The following GRM5 variants were observed in gnomAD, a reference collection of about 807,000 sequenced individuals.
The protein encoded by GRM5 is glutamate metabotropic receptor 5, also known as metabotropic glutamate receptor 5.
In GRM5, 19 loss-of-function variants were observed where a neutral mutation model predicts 83.1. The observed-to-expected ratio is 0.23, with a 90% CI of 0.16 to 0.34. The LOEUF (loss-of-function observed/expected upper bound fraction) is 0.34, where lower values mean the gene tolerates loss of function less well. GRM5 is among the 10% of genes least tolerant of loss of function. GRM5 has a pLI of 1.00. For synonymous variants in GRM5, 675 were observed against 633.6 expected (o/e 1.07, Z -0.98); for missense variants, 1,160 against 1,588.3 (o/e 0.73, Z 4.58).
At chr11:88,983,246 T>C (rs1273208844) in intron 2 of GRM5, among the ~76,000 whole-genome samples, 1 of 152,204 alleles carries the variant, frequency 6.6e-6, no homozygotes, top group Non-Finnish European at 1.5e-5. Flanking sequence ...TTCTTCCTCA[T>C]AGCAATTCTC....
At chr11:88,770,563 G>A (rs1202182395) in intron 3 of GRM5, among the ~76,000 whole-genome samples, 1 of 152,072 alleles carries the variant, frequency 6.6e-6, no homozygotes, top group Admixed American at 6.6e-5. Flanking sequence ...GTTAATTGAT[G>A]ATATAACTAA....
intron 3 of GRM5, among the ~76,000 whole-genome samples, chr11:88,832,709 T>C (rs1375988776): frequency 4.6e-5 from 7 of 152,080 alleles, no homozygotes; most frequent in African/African-American, 1.7e-4. Context: ...TACCTGACTT[T>C]AAAATATATT....
At chr11:88,798,058 G>T (rs891796101) in intron 3 of GRM5, among the ~76,000 whole-genome samples, 2 of 152,088 alleles carry the variant, frequency 1.3e-5, no homozygotes, top group Admixed American at 6.5e-5. Context: ...ATGCTCTCCT[G>T]TCTGCTCTTT....
chr11:88,863,542 A>G (rs969875278), intron 2 of GRM5, among the ~76,000 whole-genome samples: 2 of 152,230 alleles, frequency 1.3e-5, no homozygotes, highest in South Asian at 2.1e-4. Context: ...GTTCTCACTT[A>G]TAAGTGGGAG....
At position 89,047,928 on chromosome 11, in the gene GRM5, G is replaced by T. The variant is rs2135152012; in HGVS notation, c.-56C>A. 9 of 1,351,858 alleles carry T rather than the reference G, an allele frequency of 6.7e-6. No homozygotes were observed. The South Asian group carries it at 8.7e-5, about 13-fold the overall frequency. 83.7% of individuals were successfully genotyped at this position (1,351,858 alleles called of 1,614,324 possible). A position where few individuals can be genotyped will look rare whatever the true frequency, so the allele number is the denominator to read the frequency against. ...AGCATGGTGGGGAAAATTCAGGAGG[G>T]TTCTGATAGCTACGAACAAGCGATG... On this transcript the variant is annotated 5_prime_UTR_variant, in exon 2 of 10. Coordinates refer to ENST00000305447, the MANE Select transcript of GRM5 (RefSeq NM_001143831.3). This position sits in a 1 kb window ranked among gnomAD's most constrained non-coding sequence, Gnocchi z 5.1.
At chr11:88,987,649 G>A (rs867425956) in intron 2 of GRM5, among the ~76,000 whole-genome samples, 20 of 152,042 alleles carry the variant, frequency 1.3e-4, no homozygotes, top group South Asian at 6.2e-4. Context: ...CTCCCAGCAC[G>A]CAGCTGGAGA....
intron 3 of GRM5, among the ~76,000 whole-genome samples, chr11:88,703,090 C>CA (rs60460535): frequency 0.79 from 120,025 of 151,784 alleles, 51,030 homozygotes; most frequent in Non-Finnish European, 0.96. Flanking sequence ...ATGGGCAATC[C>CA]AAAATGAAGA....
chr11:89,047,434 T>C lies in GRM5; in HGVS notation c.439A>G (p.Ile147Val), dbSNP rs776692816. The C allele has an allele frequency of 3.7e-6, 6 of 1,613,850 alleles. No homozygotes were observed. The highest frequency in any genetic ancestry group is 1.7e-5 in the Admixed American group (1 of 60,000). ...GCTACAGAACTGGAGCCAGGCCCAA[T>C]GACCCCTACTATGGGCTTCTTGGAG... Reference protein sequence around the residue: ...FRSKKPIVGVIGPGSSSVAIQ... With the variant: ...FRSKKPIVGVVGPGSSSVAIQ... Residue 147 changes from isoleucine (I) to valine (V), a missense_variant, in exon 2 of 10, where the codon ATT (isoleucine) becomes GTT (valine). By Grantham distance (29) the Ile-to-Val change is conservative (BLOSUM62 3). This residue lies in a region of GRM5 where 39 missense variants were observed against 36.7 expected (regional missense o/e 1.06). Transcript: ENST00000305447. This position sits in a 1 kb window ranked among gnomAD's most constrained non-coding sequence, Gnocchi z 5.1.
rs1273654463 is a variant in GRM5 at position 88,949,887 on chromosome 11, T to TG, written c.661+97324dup. 8.5e-5 allele frequency among the ~76,000 whole-genome samples: 13 copies of TG among 152,174 alleles called. 1 individual carries two copies. The East Asian group carries it at 2.3e-3, about 27-fold the overall frequency. Reference sequence around the variant, plus strand: ...TATGCAATACTTTTATTTTTTCAGGTGGGGTCTTGCTCTGTTGCCCAGGCT... The same window carrying TG: ...TATGCAATACTTTTATTTTTTCAGGTGGGGGTCTTGCTCTGTTGCCCAGGCT... On this transcript the variant is annotated intron_variant, in intron 2 of 9. Coordinates refer to ENST00000305447, the MANE Select transcript of GRM5 (RefSeq NM_001143831.3).
intron 3 of GRM5, among the ~76,000 whole-genome samples, chr11:88,667,664 C>A (rs1264203384): frequency 6.6e-6 from 1 of 152,040 alleles, no homozygotes; most frequent in Non-Finnish European, 1.5e-5. Context: ...GAGGCCAATG[C>A]AGGCAGATCA....
intron 3 of GRM5, among the ~76,000 whole-genome samples, chr11:88,696,207 G>A (rs1188555566): frequency 6.6e-6 from 1 of 152,124 alleles, no homozygotes; most frequent in African/African-American, 2.4e-5. Context: ...GCTCCTGGCT[G>A]AATTTCACTG....
At chr11:88,586,722 T>C (rs1186944197) in intron 7 of GRM5, among the ~76,000 whole-genome samples, 1 of 152,192 alleles carries the variant, frequency 6.6e-6, no homozygotes, top group Non-Finnish European at 1.5e-5. Flanking sequence ...GGAAAAGTGC[T>C]GTAGATTCCA....
At position 89,062,582 on chromosome 11, in the gene GRM5, T is replaced by C. The variant is rs117388581; in HGVS notation, c.-201+3194A>G. Reference sequence around the variant, plus strand: ...AAAAAGTAAAGTATTGGAGACCCTATCTTGGTTACTCGATGTTAACAGTCC... The same window carrying C: ...AAAAAGTAAAGTATTGGAGACCCTACCTTGGTTACTCGATGTTAACAGTCC... On this transcript the variant is annotated intron_variant, in intron 1 of 9. Transcript: ENST00000305447. Among the ~76,000 whole-genome samples, 128 of 152,360 alleles carry C rather than the reference T, an allele frequency of 8.4e-4. 1 individual carries two copies. In the East Asian group the frequency reaches 0.024, roughly 29 times the overall value.
Position 88,505,829 on chromosome 11 carries a change from G to A in GRM5, c.*2763C>T, listed in dbSNP as rs1941170131. The A allele has an allele frequency of 6.6e-6, 1 of 152,156 alleles. No homozygotes were observed. The highest frequency in any genetic ancestry group is 2.1e-4 in the South Asian group (1 of 4,822). 9.4% of individuals were successfully genotyped at this position (152,156 alleles called of 1,614,324 possible). Reference sequence around the variant, plus strand: ...TATCACTGGGCACCAGGAACAGATTGTTTTGAAGGAAATTCAATGAGAATG... The same window carrying A: ...TATCACTGGGCACCAGGAACAGATTATTTTGAAGGAAATTCAATGAGAATG... On this transcript the variant is annotated 3_prime_UTR_variant, in exon 10 of 10. Coordinates refer to ENST00000305447, the MANE Select transcript of GRM5 (RefSeq NM_001143831.3).
intron 3 of GRM5, among the ~76,000 whole-genome samples, chr11:88,717,353 G>A (rs944040295): frequency 1.3e-5 from 2 of 151,770 alleles, no homozygotes; most frequent in African/African-American, 4.8e-5. Flanking sequence ...TGATCATAGT[G>A]GCTAACATTA....
chr11:88,624,769 C>A (rs1423190253), intron 4 of GRM5, among the ~76,000 whole-genome samples: 1 of 152,186 alleles, frequency 6.6e-6, no homozygotes, highest in African/African-American at 2.4e-5. Flanking sequence ...TCAATTAAAA[C>A]ATATGTTTTG....
intron 2 of GRM5, among the ~76,000 whole-genome samples, chr11:88,969,133 T>C (rs1472701518): frequency 6.6e-6 from 1 of 152,070 alleles, no homozygotes; most frequent in Admixed American, 6.6e-5. Flanking sequence ...GTGGATAATA[T>C]AAGAATGCAT....
At chr11:88,828,661 A>C (rs923667215) in intron 3 of GRM5, among the ~76,000 whole-genome samples, 1 of 152,190 alleles carries the variant, frequency 6.6e-6, no homozygotes, top group African/African-American at 2.4e-5. Flanking sequence ...ATAAATCAAG[A>C]AAATAGTATC....
At chr11:88,906,864 C>A (rs558540433) in intron 2 of GRM5, among the ~76,000 whole-genome samples, 11 of 152,174 alleles carry the variant, frequency 7.2e-5, no homozygotes, top group African/African-American at 2.2e-4. Flanking sequence ...GGAATCCACG[C>A]CAGAAAAGGC....
Sources: gnomAD v4.1 joint callset for allele counts (sites outside exome capture counted in the v4.1 genomes callset) on GRCh38, gnomAD v4.1.1 for gene constraint, gnomAD v4.1.1 regional missense constraint, Gnocchi (gnomAD v3.1) non-coding constraint, MANE v1.5 for transcripts, NCBI Gene and HGNC (gene_info 2026-07-23, HGNC 2026-07-21) for gene names.